MYRIP: variants seen among roughly 807,000 people sequenced by gnomAD.
MYRIP encodes the protein rab effector MyRIP.
Under a neutral mutation model 98.0 loss-of-function variants are expected in MYRIP, and 49 were observed. The observed-to-expected ratio is 0.50, with a 90% confidence interval of 0.40 to 0.63. The LOEUF is 0.63. MYRIP is among the 30% of genes least tolerant of loss of function. MYRIP has a pLI of 0.00. For missense variants in MYRIP, 1,004 were observed against 1,058.2 expected, an observed-to-expected ratio of 0.95 and a Z score of 0.71; for synonymous variants, 404 against 409.5, an observed-to-expected ratio of 0.99 and a Z score of 0.16.
intron 3 of MYRIP, chr3:40,099,873 A>C (rs1037908794): frequency 3.7e-6 from 2 of 547,942 alleles, no homozygotes; most frequent in Non-Finnish European, 4.6e-6. Flanking sequence ...TCCCCTACAA[A>C]GTTGTATTAA....
At chr3:40,102,481 G>T (rs1948964005) in intron 3 of MYRIP, among the ~76,000 whole-genome samples, 1 of 152,160 alleles carries the variant, frequency 6.6e-6, no homozygotes, top group Non-Finnish European at 1.5e-5. Flanking sequence ...CCCCATAGGA[G>T]TTTTGACTTT....
At chr3:40,043,022 G>A (rs1282521464) in intron 2 of MYRIP, among the ~76,000 whole-genome samples, 1 of 152,174 alleles carries the variant, frequency 6.6e-6, no homozygotes, top group Non-Finnish European at 1.5e-5. Context: ...TCAGCATCAT[G>A]ATAGAGTATT....
At chr3:39,885,290 C>T (rs1204077996) in intron 1 of MYRIP, among the ~76,000 whole-genome samples, 1 of 151,772 alleles carries the variant, frequency 6.6e-6, no homozygotes, top group East Asian at 1.9e-4. Context: ...ATTCTTTTGT[C>T]TTTGATGTGA....
chr3:39,875,249 T>A (rs1421753219), intron 1 of MYRIP, among the ~76,000 whole-genome samples: 1 of 152,208 alleles, frequency 6.6e-6, no homozygotes, highest in Non-Finnish European at 1.5e-5. Flanking sequence ...TTCTTAGTCT[T>A]GCTAGTGGTC....
intron 7 of MYRIP, among the ~76,000 whole-genome samples, chr3:40,167,455 G>A (rs990831900): frequency 1.7e-4 from 26 of 152,284 alleles, no homozygotes; most frequent in African/African-American, 5.5e-4. Flanking sequence ...CATGCCCTAC[G>A]CTGTCCCTTG....
intron 2 of MYRIP, among the ~76,000 whole-genome samples, chr3:39,972,916 CT>C (rs1384495792): frequency 6.6e-6 from 1 of 151,836 alleles, no homozygotes; most frequent in African/African-American, 2.4e-5. Flanking sequence ...AGTAATGTGA[CT>C]CTTTATCATA....
intron 16 of MYRIP, among the ~76,000 whole-genome samples, chr3:40,256,622 A>G (rs748013180): frequency 7.9e-5 from 12 of 152,194 alleles, no homozygotes; most frequent in Admixed American, 3.3e-4. Context: ...AATGTGATGT[A>G]AAACTATTCT....
chr3:39,913,493 A>T (rs1944076336), intron 2 of MYRIP, among the ~76,000 whole-genome samples: 1 of 152,220 alleles, frequency 6.6e-6, no homozygotes, highest in African/African-American at 2.4e-5. Flanking sequence ...TTCTGGGGTG[A>T]CAAGATACTA....
At position 40,088,074 on chromosome 3, in the gene MYRIP, AC is replaced by A. The variant is rs145950387; in HGVS notation, c.332+43806del. On this transcript the variant is annotated intron_variant, in intron 3 of 16. Transcript: ENST00000302541. ...AAGGTGGGCAGCCATGAAGAACAAG[AC>A]CCAGGCCAAGGGCTGGTTGACCTGG... Among the ~76,000 whole-genome samples the A allele has an allele frequency of 1.2e-3, 177 of 152,146 alleles. 3 individuals carry two copies. The highest frequency in any genetic ancestry group is 4.2e-3 in the African/African-American group (174 of 41,506).
At chr3:39,886,431 A>T (rs1386489742) in intron 1 of MYRIP, among the ~76,000 whole-genome samples, 2 of 149,242 alleles carry the variant, frequency 1.3e-5, no homozygotes, top group East Asian at 3.9e-4. Flanking sequence ...AGTGTGCTGT[A>T]TTCAGGAAAC....
At chr3:40,187,619 C>T (rs750048951) in intron 9 of MYRIP, among the ~76,000 whole-genome samples, 1 of 152,200 alleles carries the variant, frequency 6.6e-6, no homozygotes, top group Non-Finnish European at 1.5e-5. Context: ...GGACCTCTGG[C>T]TTCGAGACCA....
At chr3:39,957,655 C>T (rs1353341976) in intron 2 of MYRIP, among the ~76,000 whole-genome samples, 1 of 152,092 alleles carries the variant, frequency 6.6e-6, no homozygotes, top group Non-Finnish European at 1.5e-5. Flanking sequence ...TCCTATTCAA[C>T]ATAGTGTTGG....
chr3:39,901,030 A>G, intron 2 of MYRIP, 104 bp downstream of exon 2: 1 of 770,070 alleles, frequency 1.3e-6, no homozygotes. Context: ...GTTTGGATAT[A>G]CACTTATGTT....
chr3:39,933,855 A>C (rs1225175000), intron 2 of MYRIP, among the ~76,000 whole-genome samples: 1 of 152,190 alleles, frequency 6.6e-6, no homozygotes, highest in African/African-American at 2.4e-5. Context: ...ACTGAGGTTC[A>C]AGATTGAACG....
chr3:40,089,195 A>G (rs1272849575), intron 3 of MYRIP, among the ~76,000 whole-genome samples: 1 of 152,194 alleles, frequency 6.6e-6, no homozygotes, highest in African/African-American at 2.4e-5. Flanking sequence ...ACTAGGTGAC[A>G]GGAGAAAGGG....
At chr3:40,015,990 C>T (rs1300102515) in intron 2 of MYRIP, among the ~76,000 whole-genome samples, 2 of 152,092 alleles carry the variant, frequency 1.3e-5, no homozygotes, top group East Asian at 1.9e-4. Context: ...TGCTTGACCT[C>T]TTTTGGCATT....
intron 8 of MYRIP, among the ~76,000 whole-genome samples, chr3:40,177,697 A>G (rs975441777): frequency 4.6e-5 from 7 of 152,190 alleles, no homozygotes; most frequent in Admixed American, 1.3e-4. Context: ...AGAAGGCACC[A>G]GTGTGGGTGT....
intron 3 of MYRIP, among the ~76,000 whole-genome samples, chr3:40,057,979 A>G (rs1947917208): frequency 6.6e-6 from 1 of 152,182 alleles, no homozygotes; most frequent in Non-Finnish European, 1.5e-5. Context: ...TCACTTAGCA[A>G]TGACTTAGCT....
chr3:39,920,702 T>A (rs1048705551), intron 2 of MYRIP, among the ~76,000 whole-genome samples: 1 of 152,224 alleles, frequency 6.6e-6, no homozygotes, highest in African/African-American at 2.4e-5. Context: ...ATAGCTTAAA[T>A]ACACAGGGGA....
Sources: allele counts gnomAD v4.1 joint callset (sites outside exome capture counted in the v4.1 genomes callset), GRCh38; gene constraint gnomAD v4.1.1; transcripts MANE v1.5; gene names NCBI Gene and HGNC (gene_info 2026-07-23, HGNC 2026-07-21).